The following RALYL variants were observed in gnomAD, a reference collection of about 807,000 sequenced individuals.
RALYL encodes RALY RNA binding protein like.
In RALYL, 29 loss-of-function variants were observed where a neutral mutation model predicts 35.1. The ratio of observed to expected loss-of-function variants is 0.83; its 90% confidence interval spans 0.61 to 1.13. RALYL has a LOEUF of 1.13. RALYL is among the 50% of genes most tolerant of loss of function. The pLI, the probability that RALYL is intolerant of heterozygous loss-of-function variation, is 0.00. For missense variants in RALYL, 359 were observed against 360.4 expected (o/e 1.00, Z 0.03); for synonymous variants, 120 against 127.6 (o/e 0.94, Z 0.40).
chr8:84,184,740 T>A (rs1812044302), intron 1 of RALYL: 48 of 336,784 alleles, frequency 1.4e-4, no homozygotes, highest in Non-Finnish European at 1.8e-4. Context: ...GGCCGGGCAC[T>A]AGGCGGCCGG....
chr8:84,407,402 G>A (rs943203840), intron 1 of RALYL, among the ~76,000 whole-genome samples: 1 of 152,114 alleles, frequency 6.6e-6, no homozygotes, highest in Non-Finnish European at 1.5e-5. Flanking sequence ...TTTCAAACAT[G>A]CAAAAGTAGA....
chr8:84,662,185 C>A (rs139553056), intron 2 of RALYL, among the ~76,000 whole-genome samples: 12 of 152,192 alleles, frequency 7.9e-5, no homozygotes, highest in Admixed American at 7.9e-4. Context: ...TGGACTCTTA[C>A]GGCTCTCAGG....
chr8:84,881,377 T>C (rs999572833), intron 7 of RALYL, among the ~76,000 whole-genome samples: 3 of 152,004 alleles, frequency 2.0e-5, no homozygotes, highest in East Asian at 3.8e-4. Context: ...TAGTGAATAA[T>C]GTGACTGTTT....
At chr8:84,384,988 G>A (rs186767786) in intron 1 of RALYL, among the ~76,000 whole-genome samples, 1 of 151,650 alleles carries the variant, frequency 6.6e-6, no homozygotes. Flanking sequence ...CATAATAATG[G>A]CAATAAGATA....
At chr8:84,192,882 A>G (rs1156838257) in intron 1 of RALYL, among the ~76,000 whole-genome samples, 2 of 74,664 alleles carry the variant, frequency 2.7e-5, no homozygotes, top group South Asian at 5.1e-4. Context: ...GGAGTGAGGG[A>G]GGGAGTGTGT....
At chr8:84,325,361 T>G (rs898161305) in intron 1 of RALYL, among the ~76,000 whole-genome samples, 2 of 152,330 alleles carry the variant, frequency 1.3e-5, no homozygotes, top group East Asian at 3.9e-4. Flanking sequence ...CCTAACACCC[T>G]CTGCTATGAC....
In RALYL at chr8:84,269,653, T is replaced by C. The variant is rs533993494; in HGVS notation, c.-24+85229T>C. 1.8e-4 allele frequency among the ~76,000 whole-genome samples: 28 copies of C among 152,266 alleles called. No homozygotes were observed. In the South Asian group the frequency reaches 5.8e-3, roughly 32 times the overall value. The stretch of plus-strand genomic sequence containing the variant: ...AAATATCAAAGTGGCTTCAGTAATG[T>C]ATGTAATGTGTAGAAAATCTAAGTA... On this transcript the variant is annotated intron_variant, in intron 1 of 8. Coordinates refer to ENST00000521268, the MANE Select transcript of RALYL (RefSeq NM_173848.7).
At chr8:84,254,288 A>T (rs936849881) in intron 1 of RALYL, among the ~76,000 whole-genome samples, 24 of 152,312 alleles carry the variant, frequency 1.6e-4, no homozygotes, top group Non-Finnish European at 2.4e-4. Context: ...AGATTAAATT[A>T]TAATATTAAA....
At chr8:84,741,206 A>G (rs148181137) in intron 2 of RALYL, among the ~76,000 whole-genome samples, 52 of 151,994 alleles carry the variant, frequency 3.4e-4, no homozygotes, top group African/African-American at 1.2e-3. Context: ...TGTCTCTTGG[A>G]GTAGATGAAA....
At chr8:84,520,308 A>G (rs2058365814) in intron 1 of RALYL, among the ~76,000 whole-genome samples, 1 of 152,206 alleles carries the variant, frequency 6.6e-6, no homozygotes, top group Non-Finnish European at 1.5e-5. Context: ...CACATGTGCT[A>G]CATTTCCTAG....
intron 8 of RALYL, among the ~76,000 whole-genome samples, chr8:84,908,575 G>A (rs1384432623): frequency 6.6e-6 from 1 of 152,066 alleles, no homozygotes; most frequent in Non-Finnish European, 1.5e-5. Context: ...GTGTATATAT[G>A]CCACATTTTC....
chr8:84,208,672 A>T (rs1265203196), intron 1 of RALYL, among the ~76,000 whole-genome samples: 1 of 152,170 alleles, frequency 6.6e-6, no homozygotes, highest in African/African-American at 2.4e-5. Context: ...TCATCTATAT[A>T]TCATCTATAG....
chr8:84,523,637 G>A (rs988123099), intron 1 of RALYL, among the ~76,000 whole-genome samples: 4 of 149,468 alleles, frequency 2.7e-5, no homozygotes, highest in Admixed American at 6.7e-5. Context: ...CTAGCATTAG[G>A]TATATCTCCC....
At chr8:84,376,096 G>A (rs1272500741) in intron 1 of RALYL, among the ~76,000 whole-genome samples, 1 of 151,836 alleles carries the variant, frequency 6.6e-6, no homozygotes, top group East Asian at 1.9e-4. Context: ...CTTTGTAAAG[G>A]TGACACACCA....
chr8:84,294,079 C>T (rs1390433627), intron 1 of RALYL, among the ~76,000 whole-genome samples: 2 of 152,050 alleles, frequency 1.3e-5, no homozygotes, highest in Non-Finnish European at 2.9e-5. Flanking sequence ...TCCCTCTCCA[C>T]TCTATGTAAG....
chr8:84,220,964 A>G (rs142911396), intron 1 of RALYL, among the ~76,000 whole-genome samples: 1 of 152,146 alleles, frequency 6.6e-6, no homozygotes, highest in African/African-American at 2.4e-5. Flanking sequence ...ATGTAGTATT[A>G]GAATGTGTCT....
At chr8:84,397,138 T>C (rs1444569279) in intron 1 of RALYL, among the ~76,000 whole-genome samples, 1 of 152,088 alleles carries the variant, frequency 6.6e-6, no homozygotes, top group Non-Finnish European at 1.5e-5. Flanking sequence ...CGGGGTGATG[T>C]GCCTTGAAAA....
chr8:84,715,380 A>G (rs1842811765), intron 2 of RALYL, among the ~76,000 whole-genome samples: 1 of 151,880 alleles, frequency 6.6e-6, no homozygotes. Flanking sequence ...TCTAATCTCT[A>G]GGAAATTGGA....
chr8:84,713,475 C>G (rs1355849008), intron 2 of RALYL, among the ~76,000 whole-genome samples: 4 of 151,962 alleles, frequency 2.6e-5, no homozygotes, highest in South Asian at 2.1e-4. Context: ...TTCAAAATCA[C>G]TAATCATCAG....
Sources: allele counts gnomAD v4.1 joint callset (sites outside exome capture counted in the v4.1 genomes callset), GRCh38; gene constraint gnomAD v4.1.1; transcripts MANE v1.5; gene names NCBI Gene and HGNC (gene_info 2026-07-23, HGNC 2026-07-21).